AGMO: variants seen among roughly 807,000 people sequenced by gnomAD.
The protein encoded by AGMO is alkylglycerol monooxygenase.
AGMO carries 75 observed loss-of-function variants against 60.2 expected under a neutral mutation model. That is an observed-to-expected ratio of 1.25 (90% confidence interval 1.03 to 1.51). The LOEUF is 1.51. AGMO is among the 40% of genes most tolerant of loss of function. The pLI is 0.00. For synonymous variants in AGMO, 261 were observed against 177.1 expected (o/e 1.47, Z -3.76); for missense variants, 763 against 525.5 (o/e 1.45, Z -4.42).
At chr7:15,505,065 G>C (rs560521648) in intron 3 of AGMO, among the ~76,000 whole-genome samples, 1 of 151,662 alleles carries the variant, frequency 6.6e-6, no homozygotes, top group Non-Finnish European at 1.5e-5. Flanking sequence ...ATTATGTACA[G>C]CATTAAACTT....
chr7:15,376,951 A>C (rs189474000), intron 10 of AGMO, among the ~76,000 whole-genome samples: 1 of 152,066 alleles, frequency 6.6e-6, no homozygotes, highest in African/African-American at 2.4e-5. Flanking sequence ...CTTGACTCCC[A>C]AAGTTATTTA....
Position 15,447,646 on chromosome 7 carries a change from G to A in AGMO, c.410-16538C>T, listed in dbSNP as rs560345693. 6.6e-5 allele frequency among the ~76,000 whole-genome samples: 10 copies of A among 152,156 alleles called. No homozygotes were observed. In the South Asian group the frequency reaches 1.9e-3, roughly 28 times the overall value. ...GCTCACTGCAACCTCCACCTCCCAG[G>A]TTCAAGTGATTCTCCTGCCTGAGCC... is the stretch of plus-strand genomic sequence containing the variant. On this transcript the variant is annotated intron_variant, in intron 3 of 12. Transcript: ENST00000342526.
chr7:15,560,606 G>C (rs1286078629), intron 1 of AGMO, among the ~76,000 whole-genome samples: 1 of 152,040 alleles, frequency 6.6e-6, no homozygotes, highest in Admixed American at 6.6e-5. Context: ...ATAATTAGAG[G>C]TCTATTGTCT....
chr7:15,232,825 AC>A (rs1266709541), intron 12 of AGMO, among the ~76,000 whole-genome samples: 2 of 151,800 alleles, frequency 1.3e-5, no homozygotes, highest in African/African-American at 2.4e-5. Flanking sequence ...ACACACACAC[AC>A]AAAAACTAAA....
chr7:15,374,369 G>A (rs1044293526), intron 10 of AGMO, among the ~76,000 whole-genome samples: 8 of 152,036 alleles, frequency 5.3e-5, no homozygotes, highest in Admixed American at 2.6e-4. Context: ...AAATATATTG[G>A]CTAAAAAAGT....
intron 2 of AGMO, among the ~76,000 whole-genome samples, chr7:15,554,198 T>C (rs1785062589): frequency 6.6e-6 from 1 of 152,050 alleles, no homozygotes; most frequent in African/African-American, 2.4e-5. Context: ...CCTCTTTCTC[T>C]TCTCAATCCC....
intron 12 of AGMO, among the ~76,000 whole-genome samples, chr7:15,292,586 GTTCT>G (rs1282899773): frequency 6.6e-6 from 1 of 151,928 alleles, no homozygotes; most frequent in Non-Finnish European, 1.5e-5. Context: ...TATTGTAGAG[GTTCT>G]TTCTGCACTT....
intron 12 of AGMO, among the ~76,000 whole-genome samples, chr7:15,295,528 T>C (rs1784385301): frequency 6.6e-6 from 1 of 152,056 alleles, no homozygotes; most frequent in Non-Finnish European, 1.5e-5. Context: ...AGACTGTAGC[T>C]TCCAATTAAC....
the AGMO span, among the ~76,000 whole-genome samples, chr7:15,168,270 G>A: frequency 6.6e-6 from 1 of 152,142 alleles, no homozygotes; most frequent in Non-Finnish European, 1.5e-5. Context: ...GCTGGTGGTA[G>A]GTCTCAGGCC....
chr7:15,548,151 C>A (rs1373182992), intron 2 of AGMO, among the ~76,000 whole-genome samples: 1 of 152,006 alleles, frequency 6.6e-6, no homozygotes, highest in Non-Finnish European at 1.5e-5. Flanking sequence ...ACATCCACAT[C>A]AAAAACCCAT....
intron 5 of AGMO, among the ~76,000 whole-genome samples, chr7:15,394,907 C>T (rs1310388663): frequency 6.6e-6 from 1 of 152,170 alleles, no homozygotes; most frequent in Non-Finnish European, 1.5e-5. Context: ...AAAGTTACTT[C>T]AATATCTGGT....
chr7:15,209,309 A>G (rs1781519294), intron 12 of AGMO, among the ~76,000 whole-genome samples: 1 of 152,274 alleles, frequency 6.6e-6, no homozygotes, highest in African/African-American at 2.4e-5. Flanking sequence ...AATACTGCTT[A>G]TCCAGGATTT....
chr7:15,123,277 G>GT, the AGMO span, among the ~76,000 whole-genome samples: 20 of 151,974 alleles, frequency 1.3e-4, no homozygotes, highest in African/African-American at 4.8e-4. Context: ...CTTTATTTTT[G>GT]TTTATCTACA....
At chr7:15,265,293 A>G (rs1218775571) in intron 12 of AGMO, among the ~76,000 whole-genome samples, 1 of 151,950 alleles carries the variant, frequency 6.6e-6, no homozygotes, top group East Asian at 1.9e-4. Flanking sequence ...TGGGGGATGG[A>G]GAGAGGGAGA....
At chr7:15,432,246 C>G (rs547386901) in intron 3 of AGMO, among the ~76,000 whole-genome samples, 16 of 150,630 alleles carry the variant, frequency 1.1e-4, no homozygotes, top group Non-Finnish European at 2.2e-4. Context: ...CATATACTGA[C>G]TGTTAAAATG....
intron 12 of AGMO, among the ~76,000 whole-genome samples, chr7:15,323,884 C>T (rs1452221011): frequency 1.3e-5 from 2 of 152,184 alleles, no homozygotes; most frequent in East Asian, 3.8e-4. Context: ...CTTGTTTTAA[C>T]TGCAAGCAAG....
At chr7:15,449,239 G>C (rs569615602) in intron 3 of AGMO, among the ~76,000 whole-genome samples, 1 of 152,266 alleles carries the variant, frequency 6.6e-6, no homozygotes, top group African/African-American at 2.4e-5. Context: ...GATTGACCAA[G>C]TTAATCCTCA....
chr7:15,140,281 T>C, the AGMO span, among the ~76,000 whole-genome samples: 3 of 152,220 alleles, frequency 2.0e-5, no homozygotes, highest in East Asian at 3.9e-4. Context: ...CTTCATCCAT[T>C]ACTGTTGTTG....
intron 12 of AGMO, among the ~76,000 whole-genome samples, chr7:15,357,225 G>GTGTT (rs1554261033): frequency 1.4e-5 from 2 of 147,614 alleles, no homozygotes; most frequent in Non-Finnish European, 3.0e-5. Flanking sequence ...GTGTGTGTGT[G>GTGTT]TGTTTCACCT....
Sources: allele counts gnomAD v4.1 joint callset (sites outside exome capture counted in the v4.1 genomes callset), GRCh38; gene constraint gnomAD v4.1.1; transcripts MANE v1.5; gene names NCBI Gene and HGNC (gene_info 2026-07-23, HGNC 2026-07-21).